HMG20A: variants seen among roughly 807,000 people sequenced by gnomAD.
The protein encoded by HMG20A is high mobility group protein 20A.
Under a neutral mutation model 43.9 loss-of-function variants are expected in HMG20A, and 17 were observed. The observed-to-expected ratio is 0.39, with a 90% CI of 0.27 to 0.58. The LOEUF (loss-of-function observed/expected upper bound fraction) is 0.58. Among genes scored for constraint, HMG20A ranks in the 20% least tolerant of loss-of-function variants. The pLI is 0.59. For missense variants in HMG20A, 341 were observed against 438.2 expected (o/e 0.78, Z 1.98); for synonymous variants, 132 against 147.5 (o/e 0.89, Z 0.76).
At chr15:77,502,060 A>G in the HMG20A span, among the ~76,000 whole-genome samples, 1 of 152,366 alleles carries the variant, frequency 6.6e-6, no homozygotes, top group East Asian at 1.9e-4. Flanking sequence ...GTAGGCAAAG[A>G]ATAATTTTTT....
chr15:77,478,414 G>T lies in HMG20A; in HGVS notation c.811G>T (p.Val271Leu). Residue 271 changes from valine (V) to leucine (L), a missense_variant, in exon 8 of 10, where the codon GTG becomes TTG. Transcript: ENST00000336216. ...AGCAGTGGAGAAGCTGGAGGTGGATGTGATCCAGGAGCGGAGCCGCAACAC... is the reference window on the plus strand; with the variant it reads ...AGCAGTGGAGAAGCTGGAGGTGGATTTGATCCAGGAGCGGAGCCGCAACAC... Reference protein sequence around the residue: ...RTAVEKLEVDVIQERSRNTVL... With the variant: ...RTAVEKLEVDLIQERSRNTVL... 2 of 1,613,228 alleles carry T rather than the reference G, an allele frequency of 1.2e-6. No individual in the cohort carries two copies. Among genetic ancestry groups the T allele is most frequent in the African/African-American group, 1.3e-5 (1 of 75,048 alleles).
the HMG20A span, among the ~76,000 whole-genome samples, chr15:77,514,137 A>G: frequency 6.6e-6 from 1 of 152,220 alleles, no homozygotes; most frequent in Admixed American, 6.5e-5. Context: ...TGTGGACACA[A>G]TTTAGTCCAC....
intron 2 of HMG20A, among the ~76,000 whole-genome samples, chr15:77,458,960 T>C (rs1259892182): frequency 6.6e-6 from 1 of 152,198 alleles, no homozygotes; most frequent in Non-Finnish European, 1.5e-5. Context: ...TTCTGTGGGA[T>C]CTTTTGACAA....
intron 2 of HMG20A, among the ~76,000 whole-genome samples, chr15:77,462,902 A>G (rs2072718705): frequency 6.6e-6 from 1 of 151,166 alleles, no homozygotes; most frequent in African/African-American, 2.4e-5. Flanking sequence ...CCTTCTGAGT[A>G]GCTAGGATTA....
At chr15:77,470,273 C>A (rs888262036) in intron 4 of HMG20A, among the ~76,000 whole-genome samples, 6 of 152,138 alleles carry the variant, frequency 3.9e-5, no homozygotes, top group Non-Finnish European at 8.8e-5. Context: ...ACAAAATAAT[C>A]CTGGTAGATC....
intron 1 of HMG20A, among the ~76,000 whole-genome samples, chr15:77,438,952 G>A (rs753686085): frequency 6.6e-6 from 1 of 151,962 alleles, no homozygotes; most frequent in South Asian, 2.1e-4. Flanking sequence ...CACCACGCCC[G>A]GCTAATTTTT....
At chr15:77,494,396 G>T in the HMG20A span, among the ~76,000 whole-genome samples, 1 of 152,172 alleles carries the variant, frequency 6.6e-6, no homozygotes, top group Non-Finnish European at 1.5e-5. Context: ...TTCCCAAAGT[G>T]CTGGGATTAC....
At chr15:77,496,583 GGGCCCGGAA>G in the HMG20A span, among the ~76,000 whole-genome samples, 3 of 152,216 alleles carry the variant, frequency 2.0e-5, no homozygotes, top group East Asian at 1.9e-4. Flanking sequence ...TTCTTCAGGA[GGGCCCGGAA>G]GGTCAGGACC....
In HMG20A at chr15:77,471,765, ATTC is replaced by A. The variant is rs748387836; in HGVS notation, c.584-15_584-13del. Reference sequence around the variant, plus strand: ...TTCTTTTTAAATGTAATGTTCTCTTATTCTTTTATATTTTTAGATGCAGCCCGG... The same window carrying A: ...TTCTTTTTAAATGTAATGTTCTCTTATTTTATATTTTTAGATGCAGCCCGG... On this transcript the variant is annotated splice_polypyrimidine_tract_variant and intron_variant, in intron 5 of 9. Coordinates refer to ENST00000336216, the MANE Select transcript of HMG20A (RefSeq NM_001304504.2). 1.9e-6 allele frequency: 3 copies of A among 1,553,354 alleles called. No individual in the cohort carries two copies. Among genetic ancestry groups the A allele is most frequent in the African/African-American group, 1.4e-5 (1 of 73,118 alleles).
intron 1 of HMG20A, among the ~76,000 whole-genome samples, chr15:77,454,809 G>T (rs1369594682): frequency 6.6e-6 from 1 of 152,148 alleles, no homozygotes; most frequent in African/African-American, 2.4e-5. Context: ...AAGGTGAGTT[G>T]TAATAGGAGA....
the HMG20A span, among the ~76,000 whole-genome samples, chr15:77,490,827 T>A: frequency 2.4e-4 from 36 of 152,338 alleles, no homozygotes; most frequent in East Asian, 6.9e-3. Context: ...GATGAGCCCC[T>A]GGGCAAGACA....
the HMG20A span, among the ~76,000 whole-genome samples, chr15:77,510,872 G>A: frequency 6.6e-6 from 1 of 152,250 alleles, no homozygotes; most frequent in Non-Finnish European, 1.5e-5. Flanking sequence ...GGGCGGAAAT[G>A]CGCTGAGGCC....
intron 3 of HMG20A, among the ~76,000 whole-genome samples, chr15:77,465,187 G>A (rs996418780): frequency 6.8e-5 from 10 of 147,860 alleles, no homozygotes; most frequent in South Asian, 2.1e-4. Context: ...TCTTGAACCC[G>A]GAGGCAGAGG....
chr15:77,517,423 T>C, the HMG20A span, among the ~76,000 whole-genome samples: 1,760 of 152,018 alleles, frequency 0.012, 38 homozygotes, highest in African/African-American at 0.04. Flanking sequence ...TGGCATCCAC[T>C]GTCTGTGACC....
intron 1 of HMG20A, among the ~76,000 whole-genome samples, chr15:77,433,736 A>G (rs76465404): frequency 1.1e-4 from 16 of 152,376 alleles, no homozygotes; most frequent in Non-Finnish European, 1.6e-4. Flanking sequence ...ACAGAAAACT[A>G]TAAAACATAG....
intron 1 of HMG20A, among the ~76,000 whole-genome samples, chr15:77,457,080 A>C (rs2072661408): frequency 6.6e-6 from 1 of 152,224 alleles, no homozygotes; most frequent in Admixed American, 6.5e-5. Flanking sequence ...TTTTCCCATC[A>C]AGCTGTTTAT....
At chr15:77,464,017 G>A (rs1386009943) in intron 2 of HMG20A, among the ~76,000 whole-genome samples, 2 of 152,208 alleles carry the variant, frequency 1.3e-5, no homozygotes, top group African/African-American at 4.8e-5. Context: ...GTTGTTTTTG[G>A]TAGGAGATGT....
intron 1 of HMG20A, among the ~76,000 whole-genome samples, chr15:77,433,576 A>G (rs957678265): frequency 2.0e-5 from 3 of 152,214 alleles, no homozygotes; most frequent in Admixed American, 1.3e-4. Flanking sequence ...GTTACTTGGG[A>G]ATATAGGAAC....
At chr15:77,493,210 T>G in the HMG20A span, among the ~76,000 whole-genome samples, 6 of 151,456 alleles carry the variant, frequency 4.0e-5, no homozygotes, top group Admixed American at 3.3e-4. Context: ...AGGAAAAGAG[T>G]AGTAGTAGCG....
Sources: allele counts gnomAD v4.1 joint callset (sites outside exome capture counted in the v4.1 genomes callset), GRCh38; gene constraint gnomAD v4.1.1; transcripts MANE v1.5; gene names NCBI Gene and HGNC (gene_info 2026-07-23, HGNC 2026-07-21).